Variants in FAR2 observed in about 807,000 individuals in gnomAD.
FAR2 encodes fatty acyl-CoA reductase 2, also known as epididymis secretory protein Li 81.
FAR2 carries 19 observed loss-of-function variants against 56.0 expected under a neutral mutation model. The observed-to-expected ratio is 0.34, with a 90% CI of 0.24 to 0.50. The LOEUF is 0.50. Ranked by LOEUF, FAR2 falls within the 20% of genes least tolerant of loss-of-function variation. The pLI, the probability that FAR2 is intolerant of heterozygous loss-of-function variation, is 0.98. For synonymous variants in FAR2, 219 were observed against 218.8 expected (o/e 1.00, Z -0.01); for missense variants, 508 against 642.2 (o/e 0.79, Z 2.26).
At chr12:29,237,783 C>G (rs376603272) in intron 1 of FAR2, among the ~76,000 whole-genome samples, 1 of 152,084 alleles carries the variant, frequency 6.6e-6, no homozygotes, top group Non-Finnish European at 1.5e-5. Flanking sequence ...TTTGAATTTT[C>G]AAATGAAAAT....
chr12:29,323,901 G>A (rs1949597742), intron 10 of FAR2, among the ~76,000 whole-genome samples: 1 of 152,218 alleles, frequency 6.6e-6, no homozygotes, highest in Non-Finnish European at 1.5e-5. Context: ...GACAGAGAAT[G>A]ACTTTGACGA....
intron 4 of FAR2, among the ~76,000 whole-genome samples, chr12:29,303,266 C>T (rs879618485): frequency 8.5e-5 from 13 of 152,144 alleles, no homozygotes; most frequent in Admixed American, 6.5e-4. Flanking sequence ...CCCAGGGGCC[C>T]TGTGTAATTC....
At chr12:29,230,484 C>T (rs1716937356) in intron 1 of FAR2, among the ~76,000 whole-genome samples, 1 of 151,994 alleles carries the variant, frequency 6.6e-6, no homozygotes, top group South Asian at 2.1e-4. Flanking sequence ...CCACATTGTC[C>T]AGTGCCTTGC....
At chr12:29,234,766 G>A (rs754980025) in intron 1 of FAR2, among the ~76,000 whole-genome samples, 11 of 152,118 alleles carry the variant, frequency 7.2e-5, no homozygotes, top group Non-Finnish European at 1.5e-4. Context: ...CTACAGTAAT[G>A]CCTACTTATA....
chr12:29,288,807 G>A (rs2136741871), intron 2 of FAR2, among the ~76,000 whole-genome samples: 1 of 152,214 alleles, frequency 6.6e-6, no homozygotes. Flanking sequence ...TTCTATTACT[G>A]ATCTTACAGG....
intron 4 of FAR2, among the ~76,000 whole-genome samples, chr12:29,304,972 G>GTGTT (rs1450505856): frequency 6.6e-6 from 1 of 152,152 alleles, no homozygotes; most frequent in African/African-American, 2.4e-5. Context: ...CCTGAATTGA[G>GTGTT]TGTTTAAGTC....
At chr12:29,201,490 A>G (rs192744370) in intron 1 of FAR2, among the ~76,000 whole-genome samples, 3 of 152,270 alleles carry the variant, frequency 2.0e-5, no homozygotes, top group Admixed American at 2.0e-4. Context: ...CTGGCCCCTT[A>G]ACTCAAGTGC....
chr12:29,228,880 G>T (rs939941404), intron 1 of FAR2, among the ~76,000 whole-genome samples: 5 of 152,152 alleles, frequency 3.3e-5, no homozygotes, highest in African/African-American at 7.2e-5. Context: ...GAGTTGCCGT[G>T]CCCAGCCAAA....
At chr12:29,231,716 T>C (rs1031802203) in intron 1 of FAR2, among the ~76,000 whole-genome samples, 2 of 152,194 alleles carry the variant, frequency 1.3e-5, no homozygotes, top group African/African-American at 4.8e-5. Flanking sequence ...AGGAACAGCT[T>C]TTCCCTCTGT....
chr12:29,228,302 A>AT (rs1442759379), intron 1 of FAR2, among the ~76,000 whole-genome samples: 6 of 151,902 alleles, frequency 3.9e-5, no homozygotes, highest in Admixed American at 3.9e-4. Context: ...AAAAGTCAGG[A>AT]TTTTTTATTT....
At chr12:29,211,278 A>C (rs1947543843) in intron 1 of FAR2, among the ~76,000 whole-genome samples, 1 of 152,170 alleles carries the variant, frequency 6.6e-6, no homozygotes, top group Admixed American at 6.5e-5. Context: ...GCAATGGAGC[A>C]ATACTCCGTC....
intron 10 of FAR2, among the ~76,000 whole-genome samples, chr12:29,326,715 A>G (rs1398995061): frequency 6.6e-6 from 1 of 152,244 alleles, no homozygotes; most frequent in African/African-American, 2.4e-5. Context: ...CTTCATGCTA[A>G]AAACTCTCAA....
chr12:29,284,997 A>G (rs973138110), intron 2 of FAR2, among the ~76,000 whole-genome samples: 1 of 151,786 alleles, frequency 6.6e-6, no homozygotes, highest in African/African-American at 2.4e-5. Context: ...GCCCGCCACC[A>G]CGCCCGGCTA....
chr12:29,172,797 G>T (rs747261202), intron 1 of FAR2, among the ~76,000 whole-genome samples: 2 of 152,162 alleles, frequency 1.3e-5, no homozygotes, highest in Non-Finnish European at 2.9e-5. Context: ...CTGAGTTACG[G>T]TGGACATCAT....
chr12:29,301,794 G>A (rs1478848734), intron 4 of FAR2: 2 of 152,206 alleles, frequency 1.3e-5, no homozygotes, highest in Non-Finnish European at 2.9e-5. Context: ...TATTATCACT[G>A]CTATACTAAT....
chr12:29,190,959 A>C (rs1950098401), intron 1 of FAR2, among the ~76,000 whole-genome samples: 1 of 152,206 alleles, frequency 6.6e-6, no homozygotes, highest in African/African-American at 2.4e-5. Context: ...TTCTTCTGAA[A>C]TACAATGTTC....
At chr12:29,178,320 G>A (rs1210313776) in intron 1 of FAR2, among the ~76,000 whole-genome samples, 1 of 152,212 alleles carries the variant, frequency 6.6e-6, no homozygotes, top group Admixed American at 6.5e-5. Flanking sequence ...AAAGGAGGGT[G>A]TGGTGGCTCA....
At chr12:29,156,223 ATAAC>A (rs904972080) in intron 1 of FAR2, among the ~76,000 whole-genome samples, 2 of 152,266 alleles carry the variant, frequency 1.3e-5, no homozygotes, top group Admixed American at 6.5e-5. Context: ...ACATTTAAAA[ATAAC>A]TAAGTAAATT....
chr12:29,159,966 T>C (rs994020026), intron 1 of FAR2, among the ~76,000 whole-genome samples: 1 of 152,230 alleles, frequency 6.6e-6, no homozygotes, highest in African/African-American at 2.4e-5. Context: ...TCTTCAGCTA[T>C]CTGTCTTTAT....
Sources: gnomAD v4.1 joint callset for allele counts (sites outside exome capture counted in the v4.1 genomes callset) on GRCh38, gnomAD v4.1.1 for gene constraint, MANE v1.5 for transcripts, NCBI Gene and HGNC (gene_info 2026-07-23, HGNC 2026-07-21) for gene names.